Variants in LIFR observed in about 807,000 individuals in gnomAD.
The protein encoded by LIFR is leukemia inhibitory factor receptor.
In LIFR, 84 loss-of-function variants were observed where a neutral mutation model predicts 122.2. The observed-to-expected ratio is 0.69, with a 90% CI of 0.58 to 0.82. The LOEUF (loss-of-function observed/expected upper bound fraction) is 0.82, where lower values mean the gene tolerates loss of function less well. Ranked by LOEUF, LIFR falls within the 40% of genes least tolerant of loss-of-function variation. The pLI is 0.00. For synonymous variants in LIFR, 422 were observed against 434.7 expected, an observed-to-expected ratio of 0.97 and a Z score of 0.36; for missense variants, 1,294 against 1,311.6, an observed-to-expected ratio of 0.99 and a Z score of 0.21.
intron 1 of LIFR, among the ~76,000 whole-genome samples, chr5:38,571,732 A>G (rs1386027383): frequency 6.6e-6 from 1 of 152,168 alleles, no homozygotes; most frequent in East Asian, 1.9e-4. Flanking sequence ...AAAATATCCC[A>G]TGGTCAATGA....
Position 38,580,213 on chromosome 5 carries a change from G to T in LIFR, c.-20+15048C>A, listed in dbSNP as rs1331396438. ...TGCATCCTTGTACCTCCTCCACTGG[G>T]ATACTCATAAGGTGCAATGTGATTT... is the stretch of plus-strand genomic sequence containing the variant. On this transcript the variant is annotated intron_variant, in intron 1 of 19. Transcript: ENST00000263409. 2.0e-5 allele frequency among the ~76,000 whole-genome samples: 3 copies of T among 152,064 alleles called. 1 individual carries two copies. In the East Asian group the frequency reaches 5.8e-4, roughly 29 times the overall value.
chr5:38,599,505 C>T (rs765303256), upstream of LIFR, among the ~76,000 whole-genome samples: 25 of 152,172 alleles, frequency 1.6e-4, no homozygotes, highest in Non-Finnish European at 2.6e-4. Context: ...ATCATTAGTA[C>T]ATAGGGCCTA....
At chr5:38,498,549 T>C (rs1745006571) in intron 12 of LIFR, among the ~76,000 whole-genome samples, 1 of 152,148 alleles carries the variant, frequency 6.6e-6, no homozygotes, top group South Asian at 2.1e-4. Context: ...TGACCAAAAC[T>C]ACATAATTTC....
At chr5:38,499,646 A>AT in intron 11 of LIFR, 63 bp from the exon 12 acceptor site, 24 of 1,123,344 alleles carry the variant, frequency 2.1e-5, no homozygotes, top group Admixed American at 3.5e-5. Context: ...GGTGCTTGGC[A>AT]TTTTTTTTCT....
intron 5 of LIFR, among the ~76,000 whole-genome samples, chr5:38,520,086 C>A (rs1237213185): frequency 6.6e-6 from 1 of 152,106 alleles, no homozygotes; most frequent in Non-Finnish European, 1.5e-5. Flanking sequence ...CATTCCCAGT[C>A]GCATTGTATA....
Position 38,476,715 on chromosome 5 carries a change from AG to A in LIFR, c.*4879del, listed in dbSNP as rs1743739878. 4.7e-6 allele frequency: 1 copy of A among 210,528 alleles called. No homozygotes were observed. Among genetic ancestry groups the A allele is most frequent in the African/African-American group, 2.3e-5 (1 of 44,126 alleles). 13.0% of individuals were successfully genotyped at this position (210,528 alleles called of 1,614,324 possible). A position where few individuals can be genotyped will look rare whatever the true frequency, so the allele number is the denominator to read the frequency against. ...TTTTGTTTCTGGCTAATGTTCAATCAGTTTTTCTTTTATAAGAGCTTTTGAT... is the reference window on the plus strand; with the variant it reads ...TTTTGTTTCTGGCTAATGTTCAATCATTTTTCTTTTATAAGAGCTTTTGAT... On this transcript the variant is annotated 3_prime_UTR_variant, in exon 20 of 20. Coordinates refer to ENST00000453190, the MANE Select transcript of LIFR (RefSeq NM_001127671.2).
At chr5:38,607,036 C>T (rs995863781) in intron 1 of LIFR, among the ~76,000 whole-genome samples, 3 of 152,154 alleles carry the variant, frequency 2.0e-5, no homozygotes, top group African/African-American at 7.2e-5. Context: ...CCCACTAGTT[C>T]CTAAAGTCTT....
intron 12 of LIFR, among the ~76,000 whole-genome samples, chr5:38,497,862 C>T (rs1744968336): frequency 6.6e-6 from 1 of 151,894 alleles, no homozygotes; most frequent in African/African-American, 2.4e-5. Flanking sequence ...CTTGAATATC[C>T]CTTAAATAAA....
rs552807676 is a variant in LIFR, at chr5:38,537,105, A to C, written c.-19-6439T>G. On this transcript the variant is annotated intron_variant, in intron 1 of 19. Coordinates refer to ENST00000453190, the MANE Select transcript of LIFR (RefSeq NM_001127671.2). ...TCCCTGTTAATTCAAGAGCCAGTCC[A>C]TTATGAACCTCAGCATGTCAAAACA... Among the ~76,000 whole-genome samples, 8 of 152,310 alleles carry C rather than the reference A, an allele frequency of 5.3e-5. No homozygotes were observed. In the East Asian group the frequency reaches 1.2e-3, roughly 22 times the overall value.
intron 4 of LIFR, among the ~76,000 whole-genome samples, chr5:38,526,336 C>T (rs143648733): frequency 1.3e-5 from 2 of 151,980 alleles, no homozygotes; most frequent in African/African-American, 4.8e-5. Flanking sequence ...CCCAAATTTT[C>T]AGGTGATTTT....
At chr5:38,545,514 T>C (rs1222879609) in intron 1 of LIFR, among the ~76,000 whole-genome samples, 2 of 152,112 alleles carry the variant, frequency 1.3e-5, no homozygotes, top group African/African-American at 4.8e-5. Flanking sequence ...TTAATTTTTA[T>C]AAAATGAGCA....
At chr5:38,566,011 C>T (rs1286770281) in intron 1 of LIFR, among the ~76,000 whole-genome samples, 1 of 152,074 alleles carries the variant, frequency 6.6e-6, no homozygotes, top group Non-Finnish European at 1.5e-5. Context: ...ATGAAGCTTA[C>T]GTATTAAGAC....
chr5:38,507,441 G>C (rs1358802073), intron 7 of LIFR, among the ~76,000 whole-genome samples: 1 of 151,310 alleles, frequency 6.6e-6, no homozygotes, highest in Non-Finnish European at 1.5e-5. Flanking sequence ...GAGGGTGCCT[G>C]AAGTCTCAGC....
chr5:38,554,800 G>A (rs1580178944), intron 1 of LIFR, among the ~76,000 whole-genome samples: 1 of 152,202 alleles, frequency 6.6e-6, no homozygotes, highest in Non-Finnish European at 1.5e-5. Flanking sequence ...ATCTTCTCCA[G>A]TGTGAATAGA....
At chr5:38,568,953 G>A (rs1561216314) in intron 1 of LIFR, among the ~76,000 whole-genome samples, 1 of 152,226 alleles carries the variant, frequency 6.6e-6, no homozygotes, top group South Asian at 2.1e-4. Flanking sequence ...GTCCTGAGCT[G>A]TGGTGAGAGG....
intron 1 of LIFR, among the ~76,000 whole-genome samples, chr5:38,589,472 A>C (rs971395843): frequency 6.6e-6 from 1 of 152,214 alleles, no homozygotes; most frequent in African/African-American, 2.4e-5. Context: ...TCAACTTTAC[A>C]ACAGCTAGTT....
intron 1 of LIFR, among the ~76,000 whole-genome samples, chr5:38,569,238 G>A (rs1446324442): frequency 6.6e-6 from 1 of 152,190 alleles, no homozygotes; most frequent in African/African-American, 2.4e-5. Context: ...ATACTCCAAA[G>A]TAAAAGTCAA....
rs559536767 is a variant in LIFR, at chr5:38,500,000, T to G, written c.1601-417A>C. 7.9e-5 allele frequency among the ~76,000 whole-genome samples: 12 copies of G among 152,328 alleles called. No homozygotes were observed. The East Asian group carries it at 1.5e-3, about 20-fold the overall frequency. On this transcript the variant is annotated intron_variant, in intron 11 of 19. Coordinates refer to ENST00000453190, the MANE Select transcript of LIFR (RefSeq NM_001127671.2). ...AACAATATGGCATGCTTCCTGATCTTTGTATCTCAGCTTGAGTATTACCTT... is the reference window on the plus strand; with the variant it reads ...AACAATATGGCATGCTTCCTGATCTGTGTATCTCAGCTTGAGTATTACCTT...
rs1277511936 is a variant in LIFR, at chr5:38,477,661, T to C, written c.*3934A>G. 9.3e-6 allele frequency: 2 copies of C among 215,210 alleles called. No homozygotes were observed. Among genetic ancestry groups the C allele is most frequent in the East Asian group, 1.4e-4 (2 of 14,396 alleles). The allele number at this position is 215,210 out of a possible 1,614,324, so 13.3% of individuals were successfully genotyped here. The stretch of plus-strand genomic sequence containing the variant: ...TCAAACCGTGGAGTCACTTCCGAAG[T>C]AGATTTGAATCTTTGAGTCAATAGT... On this transcript the variant is annotated 3_prime_UTR_variant, in exon 20 of 20. Coordinates refer to ENST00000453190, the MANE Select transcript of LIFR (RefSeq NM_001127671.2).
Sources: allele counts gnomAD v4.1 joint callset (sites outside exome capture counted in the v4.1 genomes callset), GRCh38; gene constraint gnomAD v4.1.1; transcripts MANE v1.5; gene names NCBI Gene and HGNC (gene_info 2026-07-23, HGNC 2026-07-21).